The following AOPEP variants were observed in gnomAD, a reference collection of about 807,000 sequenced individuals.
AOPEP encodes aminopeptidase O.
Under a neutral mutation model 98.1 loss-of-function variants are expected in AOPEP, and 77 were observed. The observed-to-expected ratio is 0.78, with a 90% CI of 0.65 to 0.95. The LOEUF is 0.95. AOPEP is among the 40% of genes least tolerant of loss of function. AOPEP has a pLI of 0.00. For synonymous variants in AOPEP, 346 were observed against 365.3 expected (o/e 0.95, Z 0.60); for missense variants, 1,024 against 1,024.7 (o/e 1.00, Z 0.01).
chr9:94,783,496 A>G (rs971510748), intron 3 of AOPEP, among the ~76,000 whole-genome samples: 1 of 152,170 alleles, frequency 6.6e-6, no homozygotes, highest in Non-Finnish European at 1.5e-5. Context: ...CAGTCACGCT[A>G]TGGGTATTCA....
At chr9:95,080,424 G>A (rs1194708519) in intron 14 of AOPEP, among the ~76,000 whole-genome samples, 1 of 152,212 alleles carries the variant, frequency 6.6e-6, no homozygotes, top group African/African-American at 2.4e-5. Context: ...GGCTGAGGCA[G>A]GAGAATTGCT....
chr9:94,827,102 C>T (rs971920982), intron 5 of AOPEP, among the ~76,000 whole-genome samples: 10 of 152,094 alleles, frequency 6.6e-5, no homozygotes, highest in Admixed American at 2.0e-4. Flanking sequence ...CATTTTAGAG[C>T]CAGAGAACAG....
intron 14 of AOPEP, chr9:95,061,059 G>A (rs139731049): frequency 6.4e-5 from 23 of 358,172 alleles, no homozygotes; most frequent in Admixed American, 1.3e-4. Context: ...CTAAAGGAAT[G>A]AGTGGAATGT....
chr9:95,054,544 T>C (rs1200393532), intron 13 of AOPEP, among the ~76,000 whole-genome samples: 1 of 152,234 alleles, frequency 6.6e-6, no homozygotes, highest in African/African-American at 2.4e-5. Context: ...ACTTACAATC[T>C]GGAAACATGA....
intron 1 of AOPEP, among the ~76,000 whole-genome samples, chr9:94,757,019 T>C (rs1639819082): frequency 6.6e-6 from 1 of 152,254 alleles, no homozygotes; most frequent in Non-Finnish European, 1.5e-5. Context: ...CTTCATCTTA[T>C]TTCTTGCTAC....
intron 5 of AOPEP, among the ~76,000 whole-genome samples, chr9:94,838,064 A>G (rs1216227732): frequency 1.3e-5 from 2 of 152,044 alleles, no homozygotes; most frequent in Non-Finnish European, 1.5e-5. Flanking sequence ...GCTGGAGTGC[A>G]GTGGTGCAGT....
intron 16 of AOPEP, among the ~76,000 whole-genome samples, chr9:95,084,328 T>G (rs2070310944): frequency 6.6e-6 from 1 of 152,222 alleles, no homozygotes; most frequent in South Asian, 2.1e-4. Context: ...ATAAAAAGTT[T>G]TTCAGAAGCA....
In AOPEP at chr9:95,027,988, G is replaced by T. The variant is rs1050494538; in HGVS notation, c.2115+22372G>T. The stretch of plus-strand genomic sequence containing the variant: ...CAGGACCACCCTTTGGGTCTCAGCA[G>T]AATCATGAGCCTCAGAACACTCATT... On this transcript the variant is annotated intron_variant, in intron 13 of 16. Coordinates refer to ENST00000375315, the MANE Select transcript of AOPEP (RefSeq NM_001193329.3). 7.9e-5 allele frequency among the ~76,000 whole-genome samples: 12 copies of T among 152,290 alleles called. No homozygotes were observed. In the East Asian group the frequency reaches 2.3e-3, roughly 29 times the overall value.
At chr9:94,854,802 T>C (rs1201967634) in intron 5 of AOPEP, among the ~76,000 whole-genome samples, 2 of 152,198 alleles carry the variant, frequency 1.3e-5, no homozygotes, top group Non-Finnish European at 1.5e-5. Flanking sequence ...ACCTCATAAT[T>C]TGTAGGACTA....
At position 94,851,944 on chromosome 9, in the gene AOPEP, G is replaced by T. The variant is rs73654299; in HGVS notation, c.1364+50942G>T. ...GTGCAGTCAAGTTGGGAAGAGAGTT[G>T]CAGGAAGAGAGTGACATAGCCAGAG... On this transcript the variant is annotated intron_variant, in intron 5 of 16. Coordinates refer to ENST00000375315, the MANE Select transcript of AOPEP (RefSeq NM_001193329.3). Among the ~76,000 whole-genome samples, 994 of 151,886 alleles carry T rather than the reference G, an allele frequency of 6.5e-3. 7 individuals carry two copies. Among genetic ancestry groups the T allele is most frequent in the African/African-American group, 0.023 (956 of 41,358 alleles).
At chr9:94,888,363 C>A (rs1221915086) in intron 5 of AOPEP, among the ~76,000 whole-genome samples, 1 of 147,390 alleles carries the variant, frequency 6.8e-6, no homozygotes, top group Non-Finnish European at 1.5e-5. Flanking sequence ...TATAGAGTCA[C>A]AGAAAGTTGC....
chr9:95,038,064 C>A (rs2064984370), intron 13 of AOPEP, among the ~76,000 whole-genome samples: 1 of 152,202 alleles, frequency 6.6e-6, no homozygotes, highest in Non-Finnish European at 1.5e-5. Flanking sequence ...AGTTCTCGGC[C>A]TCTTGAGCCT....
intron 5 of AOPEP, among the ~76,000 whole-genome samples, chr9:94,878,951 A>G (rs2047276466): frequency 6.6e-6 from 1 of 152,172 alleles, no homozygotes; most frequent in East Asian, 1.9e-4. Flanking sequence ...TTTCCTCAGC[A>G]TTCGAGGATC....
chr9:95,044,304 C>G (rs2133649287), intron 13 of AOPEP, among the ~76,000 whole-genome samples: 1 of 151,274 alleles, frequency 6.6e-6, no homozygotes, highest in African/African-American at 2.4e-5. Context: ...AGAATCACTG[C>G]TAATGGGCAC....
intron 5 of AOPEP, among the ~76,000 whole-genome samples, chr9:94,808,563 A>C (rs1423493136): frequency 6.6e-6 from 1 of 152,188 alleles, no homozygotes; most frequent in African/African-American, 2.4e-5. Flanking sequence ...TATAGAGGTG[A>C]CTCCTCGGAA....
the AOPEP span, chr9:95,099,612 C>T: frequency 8.7e-6 from 2 of 231,140 alleles, no homozygotes; most frequent in Non-Finnish European, 1.7e-5. Flanking sequence ...CACCTTTGAG[C>T]ATCTCTCAGG....
intron 5 of AOPEP, among the ~76,000 whole-genome samples, chr9:94,839,280 G>A (rs1054278832): frequency 2.6e-5 from 4 of 151,860 alleles, no homozygotes; most frequent in Admixed American, 6.6e-5. Context: ...TGGTAGAGAC[G>A]GGGTTTCACA....
At chr9:95,096,961 T>C in the AOPEP span, among the ~76,000 whole-genome samples, 1 of 152,158 alleles carries the variant, frequency 6.6e-6, no homozygotes. Context: ...TACCCTCGGT[T>C]GGAAGGGGAT....
At chr9:95,097,272 T>C in the AOPEP span, among the ~76,000 whole-genome samples, 1 of 152,286 alleles carries the variant, frequency 6.6e-6, no homozygotes, top group Non-Finnish European at 1.5e-5. Flanking sequence ...TGTAATGAGC[T>C]GGAGACATTT....
Sources: gnomAD v4.1 joint callset for allele counts (sites outside exome capture counted in the v4.1 genomes callset) on GRCh38, gnomAD v4.1.1 for gene constraint, MANE v1.5 for transcripts, NCBI Gene and HGNC (gene_info 2026-07-23, HGNC 2026-07-21) for gene names.